Variants in RUNX2 observed in about 807,000 individuals in gnomAD.
RUNX2 encodes RUNX family transcription factor 2.
A neutral mutation model predicts 51.7 loss-of-function variants in RUNX2; 10 were observed. The observed-to-expected ratio is 0.19, with a 90% confidence interval of 0.12 to 0.33. RUNX2 has a LOEUF of 0.33. RUNX2 is among the 10% of genes least tolerant of loss of function. The probability of loss-of-function intolerance (pLI) is 1.00; values close to 1 mark genes in which losing one functional copy is unlikely to be tolerated. For missense variants in RUNX2, 562 were observed against 691.3 expected, an observed-to-expected ratio of 0.81 and a Z score of 2.10; for synonymous variants, 276 against 273.6, an observed-to-expected ratio of 1.01 and a Z score of -0.09.
intron 2 of RUNX2, among the ~76,000 whole-genome samples, chr6:45,331,657 T>C (rs538246592): frequency 6.6e-6 from 1 of 152,116 alleles, no homozygotes; most frequent in South Asian, 2.1e-4. Context: ...TTTTAGTTTT[T>C]ATTTTTAAAA....
At chr6:45,345,198 T>C (rs967370683) in intron 2 of RUNX2, among the ~76,000 whole-genome samples, 1 of 152,182 alleles carries the variant, frequency 6.6e-6, no homozygotes, top group African/African-American at 2.4e-5. Context: ...AAAGATAAGC[T>C]ATTACAATTT....
At chr6:45,440,265 T>C (rs1297564660) in intron 5 of RUNX2, among the ~76,000 whole-genome samples, 1 of 152,330 alleles carries the variant, frequency 6.6e-6, no homozygotes, top group African/African-American at 2.4e-5. Context: ...TTTTCCTCCC[T>C]GTTCTTGGCC....
At chr6:45,530,075 A>G (rs1222722498) in intron 7 of RUNX2, among the ~76,000 whole-genome samples, 5 of 152,200 alleles carry the variant, frequency 3.3e-5, no homozygotes, top group Non-Finnish European at 7.4e-5. Context: ...GCAAGCTAGT[A>G]TTTGAGGTGT....
intron 4 of RUNX2, among the ~76,000 whole-genome samples, chr6:45,433,702 T>A (rs1211601934): frequency 6.6e-6 from 1 of 152,172 alleles, no homozygotes; most frequent in Non-Finnish European, 1.5e-5. Flanking sequence ...TTAAGAAACT[T>A]CAAAGAGAAA....
At chr6:45,384,520 A>G (rs917085583) in intron 2 of RUNX2, among the ~76,000 whole-genome samples, 2 of 151,912 alleles carry the variant, frequency 1.3e-5, no homozygotes, top group Non-Finnish European at 2.9e-5. Context: ...CCTGGCCTCA[A>G]GTGATCCTCC....
intron 3 of RUNX2, among the ~76,000 whole-genome samples, chr6:45,424,942 C>T (rs960018508): frequency 6.6e-6 from 1 of 151,974 alleles, no homozygotes; most frequent in East Asian, 1.9e-4. Flanking sequence ...TTTAAATTTC[C>T]ATACAATATA....
chr6:45,461,416 G>T (rs1183468671), intron 5 of RUNX2, among the ~76,000 whole-genome samples: 1 of 152,178 alleles, frequency 6.6e-6, no homozygotes, highest in African/African-American at 2.4e-5. Flanking sequence ...AGACGTAGAA[G>T]GGAAGGGATG....
intron 7 of RUNX2, among the ~76,000 whole-genome samples, chr6:45,527,067 G>A (rs1244411833): frequency 6.6e-6 from 1 of 152,166 alleles, no homozygotes; most frequent in African/African-American, 2.4e-5. Context: ...TATTGAAGCT[G>A]AGATCTAATT....
chr6:45,363,268 T>C lies in RUNX2; in HGVS notation c.58+34484T>C, dbSNP rs536596672. ...AAAACAGGCAGCAAGTCCATGGCCA[T>C]AATTTGTTGACTTCTGCTATAGGAC... On this transcript the variant is annotated intron_variant, in intron 2 of 8. Coordinates refer to ENST00000647337, the MANE Select transcript of RUNX2 (RefSeq NM_001024630.4). 2.2e-4 allele frequency among the ~76,000 whole-genome samples: 34 copies of C among 152,306 alleles called. No individual in the cohort carries two copies. In the South Asian group the frequency reaches 6.6e-3, roughly 30 times the overall value.
At chr6:45,329,044 T>C (rs1365243737) in intron 2 of RUNX2, among the ~76,000 whole-genome samples, 8 of 152,134 alleles carry the variant, frequency 5.3e-5, no homozygotes, top group Non-Finnish European at 1.0e-4. Flanking sequence ...TCTAGAGTTA[T>C]AGAGGTGAGG....
chr6:45,460,581 G>A (rs985745388), intron 5 of RUNX2, among the ~76,000 whole-genome samples: 8 of 152,150 alleles, frequency 5.3e-5, no homozygotes, highest in African/African-American at 1.9e-4. Flanking sequence ...TGGAGCTCTT[G>A]TGCTGAACTG....
chr6:45,467,966 G>A (rs1403894796), intron 5 of RUNX2, among the ~76,000 whole-genome samples: 1 of 152,138 alleles, frequency 6.6e-6, no homozygotes, highest in African/African-American at 2.4e-5. Context: ...ATGCAGTGCT[G>A]TAACTCAGTT....
intron 2 of RUNX2, among the ~76,000 whole-genome samples, chr6:45,412,394 A>G (rs1364223970): frequency 6.6e-6 from 1 of 151,802 alleles, no homozygotes; most frequent in Non-Finnish European, 1.5e-5. Flanking sequence ...CCCAAAAAAA[A>G]GAAGACTTGC....
intron 2 of RUNX2, among the ~76,000 whole-genome samples, chr6:45,405,472 A>C (rs571903711): frequency 6.6e-6 from 1 of 152,174 alleles, no homozygotes; most frequent in Non-Finnish European, 1.5e-5. Context: ...TTGTTTGGTG[A>C]CATCATGCTG....
chr6:45,375,843 T>C (rs1582027775), intron 2 of RUNX2, among the ~76,000 whole-genome samples: 2 of 151,266 alleles, frequency 1.3e-5, no homozygotes, highest in African/African-American at 4.8e-5. Context: ...AAAAAACAGA[T>C]GCACATATTT....
At chr6:45,525,815 C>T (rs926942770) in intron 7 of RUNX2, among the ~76,000 whole-genome samples, 5 of 151,940 alleles carry the variant, frequency 3.3e-5, no homozygotes, top group South Asian at 2.1e-4. Flanking sequence ...AGCAACATGG[C>T]GAAACCCCGT....
chr6:45,470,448 T>G (rs1799764118), intron 5 of RUNX2, among the ~76,000 whole-genome samples: 1 of 152,220 alleles, frequency 6.6e-6, no homozygotes, highest in South Asian at 2.1e-4. Flanking sequence ...AGATGTACTC[T>G]GCCTTCAAGG....
chr6:45,538,725 T>C (rs1308768707), intron 7 of RUNX2, among the ~76,000 whole-genome samples: 2 of 151,894 alleles, frequency 1.3e-5, no homozygotes. Context: ...GCCACTTGGC[T>C]CATTATGAAT....
intron 2 of RUNX2, among the ~76,000 whole-genome samples, chr6:45,365,957 G>A (rs969125666): frequency 6.6e-6 from 1 of 151,954 alleles, no homozygotes; most frequent in African/African-American, 2.4e-5. Context: ...AAATTAAGGT[G>A]ATGCATAATG....
Sources: gnomAD v4.1 joint callset for allele counts (sites outside exome capture counted in the v4.1 genomes callset) on GRCh38, gnomAD v4.1.1 for gene constraint, MANE v1.5 for transcripts, NCBI Gene and HGNC (gene_info 2026-07-23, HGNC 2026-07-21) for gene names.